Variants in GAD1 observed in about 807,000 individuals in gnomAD.
GAD1 encodes glutamate decarboxylase 1.
In GAD1, 35 loss-of-function variants were observed where a neutral mutation model predicts 75.2. That is an observed-to-expected ratio of 0.47 (90% confidence interval 0.36 to 0.62). GAD1 has a LOEUF of 0.62. GAD1 is among the 20% of genes least tolerant of loss of function. The pLI is 0.00. For missense variants in GAD1, 490 were observed against 758.5 expected (o/e 0.65, Z 4.16); for synonymous variants, 257 against 271.9 (o/e 0.95, Z 0.54).
chr2:170,833,845 C>T (rs998871007), intron 5 of GAD1, among the ~76,000 whole-genome samples: 5 of 151,990 alleles, frequency 3.3e-5, no homozygotes, highest in Non-Finnish European at 2.9e-5. Flanking sequence ...ACCAAAAATA[C>T]AAAAATTAGC....
At chr2:170,846,868 TGTG>T (rs1702644679) in intron 10 of GAD1, among the ~76,000 whole-genome samples, 2 of 152,212 alleles carry the variant, frequency 1.3e-5, no homozygotes, top group East Asian at 1.9e-4. Flanking sequence ...AATAGCCAGG[TGTG>T]GTGGTGCACG....
intron 3 of GAD1, 109 bp downstream of exon 3, chr2:170,822,258 T>C: frequency 1.1e-6 from 1 of 931,392 alleles, no homozygotes; most frequent in Non-Finnish European, 1.7e-6. Context: ...ATGGGTCTGA[T>C]TTTCTAATGT....
intron 3 of GAD1, among the ~76,000 whole-genome samples, chr2:170,827,627 G>A (rs1383321041): frequency 6.6e-6 from 1 of 152,180 alleles, no homozygotes; most frequent in Non-Finnish European, 1.5e-5. Flanking sequence ...GCAGAGGTGA[G>A]GCACTGAGAA....
rs545129271 is a variant in GAD1, at chr2:170,818,281, T to G, written c.-63-248T>G. ...GGCGCTTCACTCCAGGTCGCGCCGA[T>G]GCACCGCCAGACTCGAGAGCGGCCC... On this transcript the variant is annotated intron_variant, in intron 1 of 16. Transcript: ENST00000358196. The surrounding 1 kb of genome is among the most constrained non-coding windows in gnomAD (Gnocchi z 5.9). 5.9e-4 allele frequency: 174 copies of G among 293,884 alleles called. 1 individual carries two copies. The highest frequency in any genetic ancestry group is 3.7e-3 in the Middle Eastern group (3 of 806). The allele number at this position is 293,884 out of a possible 1,614,324, so 18.2% of individuals were successfully genotyped here.
intron 4 of GAD1, 90 bp downstream of exon 4, chr2:170,829,723 C>G: frequency 7.2e-7 from 1 of 1,384,622 alleles, no homozygotes; most frequent in Non-Finnish European, 1.0e-6. Context: ...CTTCTTTTAT[C>G]AAGAAATGTC....
At chr2:170,843,817 A>C in intron 6 of GAD1, 2 of 536,186 alleles carry the variant, frequency 3.7e-6, no homozygotes, top group Non-Finnish European at 6.7e-6. Context: ...TTGTTGGTGA[A>C]GTATCACAGG....
Position 170,849,355 on chromosome 2 carries a change from C to T in GAD1, c.1184+5C>T, listed in dbSNP as rs188460575. ...TAAACTCAACGGCATAGAAAGGTAA[C>T]GGCCAGAACTCGCCAGGCCTCCTTC... On this transcript the variant is annotated splice_donor_5th_base_variant and intron_variant, in intron 12 of 16. Transcript: ENST00000358196. 518 of 1,614,020 alleles carry T rather than the reference C, an allele frequency of 3.2e-4. 3 individuals carry two copies. In the African/African-American group the frequency reaches 5.0e-3, roughly 16 times the overall value.
Position 170,844,076 on chromosome 2 carries a change from C to G in GAD1, c.670C>G (p.Leu224Val), listed in dbSNP as rs1287213373. The G allele has an allele frequency of 2.5e-6, 4 of 1,608,398 alleles. No homozygotes were observed. Among genetic ancestry groups the G allele is most frequent in the Non-Finnish European group, 3.4e-6 (4 of 1,175,064 alleles). Reference sequence around the variant, plus strand: ...ATATGAAATTGCACCAGTGTTTGTCCTCATGGAACAAATAACACTTAAGAA... The same window carrying G: ...ATATGAAATTGCACCAGTGTTTGTCGTCATGGAACAAATAACACTTAAGAA... ...FTYEIAPVFV[L>V]MEQITLKKMR... The change falls in exon 7 of 17, where the codon CTC (leucine) becomes GTC (valine). Residue 224 changes from leucine to valine, a missense_variant. This residue lies in a region of GAD1 where 324 missense variants were observed against 523.9 expected (regional missense o/e 0.62). Transcript: ENST00000358196.
intron 3 of GAD1, among the ~76,000 whole-genome samples, chr2:170,828,280 C>T (rs1444189000): frequency 1.4e-5 from 2 of 143,316 alleles, no homozygotes; most frequent in African/African-American, 5.3e-5. Context: ...CTCCCCTTCC[C>T]TCTGCTGTCC....
intron 1 of GAD1, chr2:170,817,268 C>T (rs2105746610): frequency 6.7e-6 from 1 of 148,578 alleles, no homozygotes; most frequent in South Asian, 2.2e-4. Context: ...TTATCCCTGC[C>T]CTCCGGATTC....
chr2:170,855,484 A>G (rs770232361), intron 14 of GAD1, among the ~76,000 whole-genome samples: 21 of 151,836 alleles, frequency 1.4e-4, no homozygotes, highest in Non-Finnish European at 2.4e-4. Flanking sequence ...CTGGGATTAC[A>G]GGCGTGAGCC....
chr2:170,854,255 G>A (rs1475439073), intron 14 of GAD1, among the ~76,000 whole-genome samples: 4 of 151,928 alleles, frequency 2.6e-5, no homozygotes, highest in Non-Finnish European at 2.9e-5. Context: ...TTCTTATAAC[G>A]TTCTCTTATA....
At chr2:170,841,470 C>CGG (rs1702514157) in intron 6 of GAD1, among the ~76,000 whole-genome samples, 1 of 152,084 alleles carries the variant, frequency 6.6e-6, no homozygotes, top group South Asian at 2.1e-4. Flanking sequence ...GAGGCAAAGG[C>CGG]GGGAGGATCG....
chr2:170,817,143 C>G lies in GAD1; in HGVS notation c.-64+95C>G, dbSNP rs1044363004. ...CCGCGGCTTCTCAACCAACCCCATC[C>G]CAGCGCCGGCCACCCAACCTCCCGA... is the stretch of plus-strand genomic sequence containing the variant. On this transcript the variant is annotated intron_variant, in intron 1 of 16. Transcript: ENST00000358196. The G allele has an allele frequency of 2.6e-5, 4 of 152,676 alleles. No homozygotes were observed. In the Admixed American group the frequency reaches 2.6e-4, roughly 10 times the overall value. The allele number at this position is 152,676 out of a possible 1,614,324, so 9.5% of individuals were successfully genotyped here.
intron 7 of GAD1, 173 bp from the exon 8 acceptor site, chr2:170,845,333 G>GGTAAA: frequency 1.5e-6 from 1 of 683,628 alleles, no homozygotes; most frequent in Non-Finnish European, 2.7e-6. Flanking sequence ...GTATTCCCAG[G>GGTAAA]GTAAAGGGTC....
intron 6 of GAD1, 69 bp downstream of exon 6, chr2:170,836,952 G>T (rs1702392306): frequency 3.8e-6 from 4 of 1,044,810 alleles, no homozygotes; most frequent in East Asian, 4.8e-5. Context: ...TAAAAGTTCA[G>T]TCCCAGTGGT....
chr2:170,846,270 G>A (rs1483742754), intron 10 of GAD1, among the ~76,000 whole-genome samples: 1 of 152,020 alleles, frequency 6.6e-6, no homozygotes, highest in Non-Finnish European at 1.5e-5. Flanking sequence ...TGAAAAATTT[G>A]GTCATTAAAC....
In GAD1 at chr2:170,818,302, G is replaced by A. The variant is rs1436577608; in HGVS notation, c.-63-227G>A. 1.5e-5 allele frequency: 5 copies of A among 340,882 alleles called. No individual in the cohort carries two copies. The highest frequency in any genetic ancestry group is 2.8e-5 in the Non-Finnish European group (5 of 179,966). The allele number at this position is 340,882 out of a possible 1,614,324, so 21.1% of individuals were successfully genotyped here. A position where few individuals can be genotyped will look rare whatever the true frequency, so the allele number is the denominator to read the frequency against. On this transcript the variant is annotated intron_variant, in intron 1 of 16. Transcript: ENST00000358196. The surrounding 1 kb of genome is among the most constrained non-coding windows in gnomAD (Gnocchi z 5.9). ...CCGATGCACCGCCAGACTCGAGAGC[G>A]GCCCAGGGCTACGCTCCCTGCGCCC...
At chr2:170,855,453 C>A (rs1702830708) in intron 14 of GAD1, among the ~76,000 whole-genome samples, 1 of 151,850 alleles carries the variant, frequency 6.6e-6, no homozygotes, top group Non-Finnish European at 1.5e-5. Flanking sequence ...AGTGATCCAC[C>A]CACCTTGGCC....
Sources: allele counts gnomAD v4.1 joint callset (sites outside exome capture counted in the v4.1 genomes callset), GRCh38; gene constraint gnomAD v4.1.1; regional missense constraint gnomAD v4.1.1; non-coding constraint Gnocchi (gnomAD v3.1); transcripts MANE v1.5; gene names NCBI Gene and HGNC (gene_info 2026-07-23, HGNC 2026-07-21).